KRTAP19-2: variants seen among roughly 807,000 people sequenced by gnomAD.
KRTAP19-2 encodes the protein keratin-associated protein 19-2.
Under a neutral mutation model 0.3 loss-of-function variants are expected in KRTAP19-2, and 2 were observed. The observed-to-expected ratio is 6.87, with a 90% CI of 2.81 to 21.61. The LOEUF is 21.61. KRTAP19-2 is among the 30% of genes most tolerant of loss of function. KRTAP19-2 has a pLI of 0.03. For synonymous variants in KRTAP19-2, 31 were observed against 24.6 expected (o/e 1.26, Z -0.77); for missense variants, 63 against 63.1 (o/e 1.00, Z 0.00).
rs1985879077 is a variant in KRTAP19-2, at chr21:30,487,097, A to G, written c.*93T>C. On this transcript the variant is annotated 3_prime_UTR_variant, in exon 1 of 1. Transcript: ENST00000334055. ...CCCTTTGGAATGGGAGCATTTACAC[A>G]TTTACACCTTTACCCCCATTGTATC... is the stretch of plus-strand genomic sequence containing the variant. 3.0e-5 allele frequency: 41 copies of G among 1,360,580 alleles called. No homozygotes were observed. The highest frequency in any genetic ancestry group is 4.1e-5 in the Non-Finnish European group (40 of 969,844). 84.3% of individuals were successfully genotyped at this position (1,360,580 alleles called of 1,614,324 possible). A position where few individuals can be genotyped will look rare whatever the true frequency, so the allele number is the denominator to read the frequency against.
In KRTAP19-2 at chr21:30,487,077, T is replaced by C; in HGVS notation, c.*113A>G. On this transcript the variant is annotated 3_prime_UTR_variant, in exon 1 of 1. Transcript: ENST00000334055. Reference sequence around the variant, plus strand: ...CTTTGTTTTGGTCAATTTCTCCCTTTGGAATGGGAGCATTTACACATTTAC... The same window carrying C: ...CTTTGTTTTGGTCAATTTCTCCCTTCGGAATGGGAGCATTTACACATTTAC... 1 of 1,164,574 alleles carries C rather than the reference T, an allele frequency of 8.6e-7. No homozygotes were observed. The allele number at this position is 1,164,574 out of a possible 1,614,324, so 72.1% of individuals were successfully genotyped here. A position where few individuals can be genotyped will look rare whatever the true frequency, so the allele number is the denominator to read the frequency against.
Position 30,487,236 on chromosome 21 carries a change from C to A in KRTAP19-2, c.113G>T (p.Cys38Phe), listed in dbSNP as rs1311083490. 1.2e-6 allele frequency: 2 copies of A among 1,614,166 alleles called. No individual in the cohort carries two copies. The highest frequency in any genetic ancestry group is 1.1e-5 in the South Asian group (1 of 91,086). Residue 38 changes from cysteine (C) to phenylalanine (F), a missense_variant, in exon 1 of 1, where the codon TGC becomes TTC. Physicochemically the swap from Cys to Phe is radical, Grantham distance 205. Coordinates refer to ENST00000334055, the MANE Select transcript of KRTAP19-2 (RefSeq NM_181608.2). Reference sequence around the variant, plus strand: ...ATATCTTCTGTAGCATGATGGGCAGCAGCAGCCATCTCCACAGCCTCTGTG... The same window carrying A: ...ATATCTTCTGTAGCATGATGGGCAGAAGCAGCCATCTCCACAGCCTCTGTG... ...CGHRGCGDGCCCPSCYRRYRF... is the reference protein window; with the variant it reads ...CGHRGCGDGCFCPSCYRRYRF...
At position 30,487,112 on chromosome 21, in the gene KRTAP19-2, C is replaced by T. The variant is rs1009047981; in HGVS notation, c.*78G>A. 6.9e-7 allele frequency: 1 copy of T among 1,446,444 alleles called. No individual in the cohort carries two copies. Among genetic ancestry groups the T allele is most frequent in the Non-Finnish European group, 9.6e-7 (1 of 1,036,590 alleles). The allele number at this position is 1,446,444 out of a possible 1,614,324, so 89.6% of individuals were successfully genotyped here. ...GCATTTACACATTTACACCTTTACC[C>T]CCATTGTATCTTAGAAGTAAGTAAC... On this transcript the variant is annotated 3_prime_UTR_variant, in exon 1 of 1. Transcript: ENST00000334055.
chr21:30,487,341 T>C lies in KRTAP19-2; in HGVS notation c.8A>G (p.Tyr3Cys). 1 of 1,610,402 alleles carries C rather than the reference T, an allele frequency of 6.2e-7. No individual in the cohort carries two copies. Among genetic ancestry groups the C allele is most frequent in the Non-Finnish European group, 8.5e-7 (1 of 1,177,018 alleles). MC[Y>C]GYGCGCGSFC... The stretch of plus-strand genomic sequence containing the variant: ...GCTGCCACATCCACAGCCGTAGCCA[T>C]AGCACATGCCACCAAAGCCTCCACA... The change falls in exon 1 of 1, where the codon TAT (tyrosine) becomes TGT (cysteine). Residue 3 changes from tyrosine (Y) to cysteine (C), a missense_variant. Tyr to Cys is a radical substitution (Grantham distance 194). Transcript: ENST00000334055.
chr21:30,487,208 T>C lies in KRTAP19-2; in HGVS notation c.141A>G (p.Arg47=), dbSNP rs753721717. 1.4e-5 allele frequency: 22 copies of C among 1,614,162 alleles called. No individual in the cohort carries two copies. The highest frequency in any genetic ancestry group is 2.2e-5 in the East Asian group (1 of 44,866). The change falls in exon 1 of 1, where the codon AGA becomes AGG. Residue 47 remains arginine (R), a synonymous_variant. Transcript: ENST00000334055. ...CCCPSCYRRY[R]FTGFY ...CAGCAGCTTAGTAGAAGCCAGTGAA[T>C]CTATATCTTCTGTAGCATGATGGGC...
In KRTAP19-2 at chr21:30,487,165, G is replaced by C. The variant is rs141184416; in HGVS notation, c.*25C>G. 9.8e-4 allele frequency: 1,567 copies of C among 1,606,288 alleles called. 1 individual carries two copies. Among genetic ancestry groups the C allele is most frequent in the Non-Finnish European group, 1.2e-3 (1,456 of 1,172,942 alleles). On this transcript the variant is annotated 3_prime_UTR_variant, in exon 1 of 1. Coordinates refer to ENST00000334055, the MANE Select transcript of KRTAP19-2 (RefSeq NM_181608.2). ...GTTTTTAAATCCCTTCAAAATAACA[G>C]ATGCTGCATCACTAGAGCAGCAGCT...
At position 30,487,410 on chromosome 21, in the gene KRTAP19-2, G is replaced by C. The variant is rs1475152626; in HGVS notation, c.-62C>G. 5.0e-6 allele frequency: 8 copies of C among 1,612,342 alleles called. No homozygotes were observed. The Admixed American group carries it at 1.3e-4, about 27-fold the overall frequency. ...ACAGTAGCTGCCCTAGTAGCTCACG[G>C]TGTCAGAGATAGTGAGTTGGGTTTG... On this transcript the variant is annotated 5_prime_UTR_variant, in exon 1 of 1. Coordinates refer to ENST00000334055, the MANE Select transcript of KRTAP19-2 (RefSeq NM_181608.2).
In KRTAP19-2 at chr21:30,487,411, T is replaced by C. The variant is rs538062158; in HGVS notation, c.-63A>G. ...CAGTAGCTGCCCTAGTAGCTCACGG[T>C]GTCAGAGATAGTGAGTTGGGTTTGC... On this transcript the variant is annotated 5_prime_UTR_variant, in exon 1 of 1. Coordinates refer to ENST00000334055, the MANE Select transcript of KRTAP19-2 (RefSeq NM_181608.2). 281 of 1,612,258 alleles carry C rather than the reference T, an allele frequency of 1.7e-4. No individual in the cohort carries two copies. In the African/African-American group the frequency reaches 3.4e-3, roughly 19 times the overall value.
Position 30,487,280 on chromosome 21 carries a change from T to G in KRTAP19-2, c.69A>C (p.Gly23=), listed in dbSNP as rs746062942. 1 of 1,614,098 alleles carries G rather than the reference T, an allele frequency of 6.2e-7. No homozygotes were observed. Among genetic ancestry groups the G allele is most frequent in the South Asian group, 1.1e-5 (1 of 91,084 alleles). Residue 23 remains glycine, a synonymous_variant, in exon 1 of 1, where the codon GGA becomes GGC. Transcript: ENST00000334055. ...CRLGYGCGYE[G]CRYGCGHRGC... Reference sequence around the variant, plus strand: ...CTCTGTGGCCACAACCATATCTGCATCCTTCATAGCCGCAGCCATAGCCCA... The same window carrying G: ...CTCTGTGGCCACAACCATATCTGCAGCCTTCATAGCCGCAGCCATAGCCCA...
At position 30,487,089 on chromosome 21, in the gene KRTAP19-2, A is replaced by G. The variant is rs988987665; in HGVS notation, c.*101T>C. 3 of 1,261,742 alleles carry G rather than the reference A, an allele frequency of 2.4e-6. No homozygotes were observed. In the African/African-American group the frequency reaches 4.4e-5, roughly 19 times the overall value. The allele number at this position is 1,261,742 out of a possible 1,614,324, so 78.2% of individuals were successfully genotyped here. A position where few individuals can be genotyped will look rare whatever the true frequency, so the allele number is the denominator to read the frequency against. On this transcript the variant is annotated 3_prime_UTR_variant, in exon 1 of 1. Transcript: ENST00000334055. The stretch of plus-strand genomic sequence containing the variant: ...CAATTTCTCCCTTTGGAATGGGAGC[A>G]TTTACACATTTACACCTTTACCCCC...
Position 30,487,281 on chromosome 21 carries a change from C to T in KRTAP19-2, c.68G>A (p.Gly23Glu), listed in dbSNP as rs141067359. 27 of 1,614,030 alleles carry T rather than the reference C, an allele frequency of 1.7e-5. No homozygotes were observed. Among genetic ancestry groups the T allele is most frequent in the Non-Finnish European group, 2.3e-5 (27 of 1,180,034 alleles). The change falls in exon 1 of 1, where the codon GGA becomes GAA. Residue 23 changes from glycine (G) to glutamate (E), a missense_variant. Transcript: ENST00000334055. ...TCTGTGGCCACAACCATATCTGCAT[C>T]CTTCATAGCCGCAGCCATAGCCCAG... is the stretch of plus-strand genomic sequence containing the variant. ...CRLGYGCGYE[G>E]CRYGCGHRGC...
At position 30,487,318 on chromosome 21, in the gene KRTAP19-2, TGCCACATCCACAGCCGTA is replaced by T. The variant is rs1189180046; in HGVS notation, c.13_30del (p.Tyr5_Gly10del). 4.3e-6 allele frequency: 7 copies of T among 1,613,828 alleles called. No individual in the cohort carries two copies. The highest frequency in any genetic ancestry group is 5.9e-6 in the Non-Finnish European group (7 of 1,179,930). ...CAGCCATAGCCCAGTCTGCAGAAGC[TGCCACATCCACAGCCGTA>T]GCCATAGCACATGCCACCAAAGCCT... On this transcript the variant is annotated inframe_deletion, in exon 1 of 1. Transcript: ENST00000334055.
At position 30,487,209 on chromosome 21, in the gene KRTAP19-2, C is replaced by G. The variant is rs1389064023; in HGVS notation, c.140G>C (p.Arg47Thr). Residue 47 changes from arginine (R) to threonine (T), a missense_variant, in exon 1 of 1, where the codon AGA becomes ACA. Physicochemically the swap from Arg to Thr is moderately conservative, Grantham distance 71 (BLOSUM62 -1). Transcript: ENST00000334055. ...CCCPSCYRRYRFTGFY is the reference protein window; with the variant it reads ...CCCPSCYRRYTFTGFY ...AGCAGCTTAGTAGAAGCCAGTGAAT[C>G]TATATCTTCTGTAGCATGATGGGCA... is the stretch of plus-strand genomic sequence containing the variant. 6.2e-7 allele frequency: 1 copy of G among 1,614,196 alleles called. No homozygotes were observed.
rs948812493 is a variant in KRTAP19-2, at chr21:30,487,272, T to C, written c.77A>G (p.Tyr26Cys). Residue 26 changes from tyrosine (Y) to cysteine (C), a missense_variant, in exon 1 of 1, where the codon TAT becomes TGT. Physicochemically the swap from Tyr to Cys is radical, Grantham distance 194 (BLOSUM62 -2). Transcript: ENST00000334055. ...GYGCGYEGCR[Y>C]GCGHRGCGDG... ...TCCACAGCCTCTGTGGCCACAACCA[T>C]ATCTGCATCCTTCATAGCCGCAGCC... 6.2e-7 allele frequency: 1 copy of C among 1,614,132 alleles called. No individual in the cohort carries two copies.
At position 30,487,175 on chromosome 21, in the gene KRTAP19-2, CACTAGAGCAGCAGCTTAGTAG is replaced by C; in HGVS notation, c.153_*14del. On this transcript the variant is annotated stop_lost and 3_prime_UTR_variant, in exon 1 of 1. Transcript: ENST00000334055. Reference sequence around the variant, plus strand: ...CCCTTCAAAATAACAGATGCTGCATCACTAGAGCAGCAGCTTAGTAGAAGCCAGTGAATCTATATCTTCTGT... The same window carrying C: ...CCCTTCAAAATAACAGATGCTGCATCAAGCCAGTGAATCTATATCTTCTGT... 1 of 1,606,116 alleles carries C rather than the reference CACTAGAGCAGCAGCTTAGTAG, an allele frequency of 6.2e-7. No homozygotes were observed. The highest frequency in any genetic ancestry group is 8.5e-7 in the Non-Finnish European group (1 of 1,172,666).
Position 30,487,078 on chromosome 21 carries a change from G to C in KRTAP19-2, c.*112C>G, listed in dbSNP as rs1472714667. The C allele has an allele frequency of 3.5e-5, 41 of 1,157,360 alleles. No individual in the cohort carries two copies. Among genetic ancestry groups the C allele is most frequent in the Middle Eastern group, 2.2e-4 (1 of 4,578 alleles). 71.7% of individuals were successfully genotyped at this position (1,157,360 alleles called of 1,614,324 possible). A position where few individuals can be genotyped will look rare whatever the true frequency, so the allele number is the denominator to read the frequency against. On this transcript the variant is annotated 3_prime_UTR_variant, in exon 1 of 1. Coordinates refer to ENST00000334055, the MANE Select transcript of KRTAP19-2 (RefSeq NM_181608.2). ...TTTGTTTTGGTCAATTTCTCCCTTT[G>C]GAATGGGAGCATTTACACATTTACA...
Position 30,487,230 on chromosome 21 carries a change from G to T in KRTAP19-2, c.119C>A (p.Pro40Gln), listed in dbSNP as rs764677870. 5.6e-6 allele frequency: 9 copies of T among 1,614,008 alleles called. No individual in the cohort carries two copies. In the East Asian group the frequency reaches 2.0e-4, roughly 36 times the overall value. ...HRGCGDGCCC[P>Q]SCYRRYRFTG... ...GAATCTATATCTTCTGTAGCATGAT[G>T]GGCAGCAGCAGCCATCTCCACAGCC... Residue 40 changes from proline to glutamine, a missense_variant, in exon 1 of 1, where the codon CCA becomes CAA. Coordinates refer to ENST00000334055, the MANE Select transcript of KRTAP19-2 (RefSeq NM_181608.2).
Position 30,487,173 on chromosome 21 carries a change from A to T in KRTAP19-2, c.*17T>A. ...ATCCCTTCAAAATAACAGATGCTGC[A>T]TCACTAGAGCAGCAGCTTAGTAGAA... On this transcript the variant is annotated 3_prime_UTR_variant, in exon 1 of 1. Coordinates refer to ENST00000334055, the MANE Select transcript of KRTAP19-2 (RefSeq NM_181608.2). The T allele has an allele frequency of 6.2e-7, 1 of 1,600,644 alleles. No homozygotes were observed. Among genetic ancestry groups the T allele is most frequent in the East Asian group, 2.2e-5 (1 of 44,798 alleles).
rs761689156 is a variant in KRTAP19-2 at position 30,487,313 on chromosome 21, G to C, written c.36C>G (p.Phe12Leu). 3.7e-6 allele frequency: 6 copies of C among 1,614,010 alleles called. No individual in the cohort carries two copies. In the African/African-American group the frequency reaches 8.0e-5, roughly 22 times the overall value. ...CYGYGCGCGSFCRLGYGCGYE... is the reference protein window; with the variant it reads ...CYGYGCGCGSLCRLGYGCGYE... ...AGCCGCAGCCATAGCCCAGTCTGCA[G>C]AAGCTGCCACATCCACAGCCGTAGC... The change falls in exon 1 of 1, where the codon TTC (phenylalanine) becomes TTG (leucine). Residue 12 changes from phenylalanine to leucine, a missense_variant. Transcript: ENST00000334055.
Sources: allele counts gnomAD v4.1 joint callset, GRCh38; gene constraint gnomAD v4.1.1; transcripts MANE v1.5; gene names NCBI Gene and HGNC (gene_info 2026-07-23, HGNC 2026-07-21).